EPB41L3: variants seen among roughly 807,000 people sequenced by gnomAD.
The protein encoded by EPB41L3 is band 4.1-like protein 3.
Under a neutral mutation model 127.1 loss-of-function variants are expected in EPB41L3, and 57 were observed. The ratio of observed to expected loss-of-function variants is 0.45; its 90% confidence interval spans 0.36 to 0.56. The LOEUF (loss-of-function observed/expected upper bound fraction) is 0.56. Ranked by LOEUF, EPB41L3 falls within the 20% of genes least tolerant of loss-of-function variation. The probability of loss-of-function intolerance (pLI) is 0.00; values close to 1 mark genes in which losing one functional copy is unlikely to be tolerated. For missense variants in EPB41L3, 1,273 were observed against 1,372.2 expected, an observed-to-expected ratio of 0.93 and a Z score of 1.14; for synonymous variants, 572 against 549.5, an observed-to-expected ratio of 1.04 and a Z score of -0.57.
intron 1 of EPB41L3, among the ~76,000 whole-genome samples, chr18:5,621,850 A>G (rs2094866362): frequency 6.6e-6 from 1 of 152,214 alleles, no homozygotes; most frequent in South Asian, 2.1e-4. Flanking sequence ...TCACTTCAAG[A>G]ATAAAAAGTA....
intron 11 of EPB41L3, among the ~76,000 whole-genome samples, chr18:5,422,306 T>C (rs2077574622): frequency 6.6e-6 from 1 of 152,134 alleles, no homozygotes; most frequent in African/African-American, 2.4e-5. Flanking sequence ...AAGTATTCCA[T>C]TAGAAAAAGA....
chr18:5,519,710 G>A lies in EPB41L3; in HGVS notation c.-12+24203C>T, dbSNP rs768007966. Among the ~76,000 whole-genome samples, 12 of 152,230 alleles carry A rather than the reference G, an allele frequency of 7.9e-5. 1 individual carries two copies. The highest frequency in any genetic ancestry group is 3.4e-3 in the Middle Eastern group (1 of 294). Reference sequence around the variant, plus strand: ...ACCGGGACAAATCTTGCTTTCAACCGCTACATAATCACTGATCCACCCAGC... The same window carrying A: ...ACCGGGACAAATCTTGCTTTCAACCACTACATAATCACTGATCCACCCAGC... On this transcript the variant is annotated intron_variant, in intron 1 of 22. Transcript: ENST00000341928.
intron 1 of EPB41L3, among the ~76,000 whole-genome samples, chr18:5,536,313 G>A (rs2093570257): frequency 2.0e-5 from 3 of 151,070 alleles, no homozygotes; most frequent in African/African-American, 4.9e-5. Flanking sequence ...GTCATGAAGT[G>A]TAGGCAGCAA....
intron 3 of EPB41L3, among the ~76,000 whole-genome samples, chr18:5,609,682 GA>G (rs1218661629): frequency 1.3e-5 from 2 of 152,066 alleles, no homozygotes; most frequent in Non-Finnish European, 2.9e-5. Context: ...ACTTATATTA[GA>G]AACAATTTCA....
intron 2 of EPB41L3, among the ~76,000 whole-genome samples, chr18:5,484,666 G>C (rs2089406324): frequency 6.6e-6 from 1 of 151,636 alleles, no homozygotes; most frequent in South Asian, 2.1e-4. Context: ...TAGCAACTGG[G>C]ACCTAAGAAA....
At chr18:5,521,399 C>A (rs985747975) in intron 1 of EPB41L3, 2 of 152,174 alleles carry the variant, frequency 1.3e-5, no homozygotes, top group Non-Finnish European at 2.9e-5. Flanking sequence ...AGTTAACCCC[C>A]AACATTATCT....
rs535777923 is a variant in EPB41L3, at chr18:5,467,026, G to C, written c.381+11215C>G. On this transcript the variant is annotated intron_variant, in intron 3 of 22. Coordinates refer to ENST00000341928, the MANE Select transcript of EPB41L3 (RefSeq NM_012307.5). The stretch of plus-strand genomic sequence containing the variant: ...CAGGAAAATTGAAAAAGAATCACTA[G>C]ATGGTGCAACTTGTTTCTCTCCAGA... Among the ~76,000 whole-genome samples the C allele has an allele frequency of 3.3e-5, 5 of 152,284 alleles. No homozygotes were observed. In the South Asian group the frequency reaches 1.0e-3, roughly 32 times the overall value.
intron 14 of EPB41L3, among the ~76,000 whole-genome samples, chr18:5,408,887 T>A (rs1026329860): frequency 3.9e-5 from 6 of 152,250 alleles, no homozygotes; most frequent in African/African-American, 1.4e-4. Context: ...TCTCTCACTA[T>A]GGCTCTTGGA....
chr18:5,613,828 T>A (rs183315260), intron 2 of EPB41L3, among the ~76,000 whole-genome samples: 90 of 152,342 alleles, frequency 5.9e-4, no homozygotes, highest in Non-Finnish European at 8.8e-4. Flanking sequence ...GAAACACAGT[T>A]AACCTTCATA....
chr18:5,451,677 A>G (rs2082290667), intron 3 of EPB41L3, among the ~76,000 whole-genome samples: 1 of 152,234 alleles, frequency 6.6e-6, no homozygotes, highest in African/African-American at 2.4e-5. Context: ...GAAACTTTAC[A>G]AAAGTATTTT....
chr18:5,513,051 C>T (rs1179723324), intron 1 of EPB41L3, among the ~76,000 whole-genome samples: 1 of 152,156 alleles, frequency 6.6e-6, no homozygotes, highest in Non-Finnish European at 1.5e-5. Flanking sequence ...TGTTCGATCC[C>T]TGTGGTTAGG....
chr18:5,397,041 C>A lies in EPB41L3; in HGVS notation c.2841+17G>T. 1 of 1,565,156 alleles carries A rather than the reference C, an allele frequency of 6.4e-7. No individual in the cohort carries two copies. The highest frequency in any genetic ancestry group is 1.2e-5 in the South Asian group (1 of 82,280). On this transcript the variant is annotated intron_variant, in intron 18 of 22. Transcript: ENST00000341928. This position sits in a 1 kb window ranked among gnomAD's most constrained non-coding sequence, Gnocchi z 4.1. ...AGTTTTATTTTAGTGATAAAAGTAACATTTACTACTAGTTACCTCAAAATG... is the reference window on the plus strand; with the variant it reads ...AGTTTTATTTTAGTGATAAAAGTAAAATTTACTACTAGTTACCTCAAAATG...
chr18:5,629,368 C>T (rs1044274437), upstream of EPB41L3, among the ~76,000 whole-genome samples: 3 of 151,596 alleles, frequency 2.0e-5, no homozygotes, highest in Admixed American at 1.3e-4. Context: ...GGAACTGGCT[C>T]CTGCGCCTCT....
chr18:5,464,539 A>G (rs1175006443), intron 3 of EPB41L3, among the ~76,000 whole-genome samples: 2 of 152,162 alleles, frequency 1.3e-5, no homozygotes, highest in African/African-American at 2.4e-5. Context: ...ATGTGTCCCA[A>G]CATGAAAATG....
At chr18:5,464,869 T>C (rs1165140328) in intron 3 of EPB41L3, among the ~76,000 whole-genome samples, 1 of 152,194 alleles carries the variant, frequency 6.6e-6, no homozygotes, top group African/African-American at 2.4e-5. Context: ...AAAAGAGGGT[T>C]GACTTCCTCA....
At chr18:5,550,910 C>T (rs2093954853) in intron 3 of EPB41L3, among the ~76,000 whole-genome samples, 1 of 152,112 alleles carries the variant, frequency 6.6e-6, no homozygotes, top group South Asian at 2.1e-4. Flanking sequence ...CCTGCTTTTT[C>T]TCCATAAATC....
At chr18:5,413,609 A>C (rs918880831) in intron 13 of EPB41L3, among the ~76,000 whole-genome samples, 1 of 152,236 alleles carries the variant, frequency 6.6e-6, no homozygotes, top group Non-Finnish European at 1.5e-5. Context: ...CATGTAAGCA[A>C]ATGGCAATTT....
chr18:5,566,134 G>A (rs2094195543), intron 3 of EPB41L3, among the ~76,000 whole-genome samples: 1 of 152,122 alleles, frequency 6.6e-6, no homozygotes, highest in Admixed American at 6.5e-5. Context: ...GCAGGAGAAG[G>A]AAATAAAGGG....
chr18:5,438,647 G>A (rs914386867), intron 5 of EPB41L3, among the ~76,000 whole-genome samples: 2 of 152,210 alleles, frequency 1.3e-5, no homozygotes, highest in Non-Finnish European at 2.9e-5. Flanking sequence ...GGGCTGCTCT[G>A]TGGGCTGTTG....
Sources: gnomAD v4.1 joint callset for allele counts (sites outside exome capture counted in the v4.1 genomes callset) on GRCh38, gnomAD v4.1.1 for gene constraint, Gnocchi (gnomAD v3.1) non-coding constraint, MANE v1.5 for transcripts, NCBI Gene and HGNC (gene_info 2026-07-23, HGNC 2026-07-21) for gene names.